ANKRD17: variants seen among roughly 807,000 people sequenced by gnomAD.
ANKRD17 encodes ankyrin repeat domain-containing protein 17.
ANKRD17 carries 19 observed loss-of-function variants against 229.7 expected under a neutral mutation model. That is an observed-to-expected ratio of 0.08 (90% CI 0.06 to 0.12). The LOEUF (loss-of-function observed/expected upper bound fraction) is 0.12, where lower values mean the gene tolerates loss of function less well. ANKRD17 is among the 10% of genes least tolerant of loss of function. The pLI is 1.00. For synonymous variants in ANKRD17, 1,112 were observed against 1,146.1 expected (o/e 0.97, Z 0.60); for missense variants, 2,176 against 3,176.8 (o/e 0.68, Z 7.57).
intron 1 of ANKRD17, among the ~76,000 whole-genome samples, chr4:73,193,370 C>T (rs987725725): frequency 1.9e-4 from 29 of 152,152 alleles, no homozygotes; most frequent in African/African-American, 6.8e-4. Flanking sequence ...CTCTTAAATA[C>T]GTACATAAGA....
At chr4:73,142,411 A>G in intron 12 of ANKRD17, 26 bp from the exon 13 acceptor site, 1 of 1,584,204 alleles carries the variant, frequency 6.3e-7, no homozygotes, top group South Asian at 1.2e-5. Context: ...TGGAAGGGGA[A>G]AAAAAGTGAA....
rs966733830 is a variant in ANKRD17 at position 73,139,873 on chromosome 4, C to T, written c.2743G>A (p.Val915Ile). 1.9e-6 allele frequency: 3 copies of T among 1,614,222 alleles called. No individual in the cohort carries two copies. Among genetic ancestry groups the T allele is most frequent in the African/African-American group, 1.3e-5 (1 of 75,058 alleles). ...SCQHLGLLTPVGVGEQLSEGD... is the reference protein window; with the variant it reads ...SCQHLGLLTPIGVGEQLSEGD... ...TCAGAAAGCTGCTCTCCAACTCCAA[C>T]AGGAGTTAGTAATCCCAGGTGTTGG... The change falls in exon 15 of 34, where the codon GTT becomes ATT. Residue 915 changes from valine (V) to isoleucine (I), a missense_variant. By Grantham distance (29) the Val-to-Ile change is conservative. Around this residue, in one of 18 missense-constraint regions of ANKRD17, gnomAD observed 230 missense variants for 252.3 expected, o/e 0.91. Transcript: ENST00000358602.
At chr4:73,207,329 A>G (rs781444542) in intron 1 of ANKRD17, among the ~76,000 whole-genome samples, 3 of 152,182 alleles carry the variant, frequency 2.0e-5, no homozygotes, top group Admixed American at 6.5e-5. Context: ...AAAAAACTCA[A>G]CCTAATAAAA....
chr4:73,193,019 T>G (rs929568669), intron 1 of ANKRD17, among the ~76,000 whole-genome samples: 1 of 152,194 alleles, frequency 6.6e-6, no homozygotes, highest in African/African-American at 2.4e-5. Flanking sequence ...TTGAAAAATA[T>G]ATAATCTACA....
At chr4:73,177,194 G>A (rs1210052404) in intron 2 of ANKRD17, among the ~76,000 whole-genome samples, 186 bp downstream of exon 2, 2 of 152,148 alleles carry the variant, frequency 1.3e-5, no homozygotes, top group African/African-American at 4.8e-5. Context: ...ACTTTACTCT[G>A]GTAATGAAAA....
At chr4:73,202,585 G>A (rs1401280204) in intron 1 of ANKRD17, among the ~76,000 whole-genome samples, 1 of 152,054 alleles carries the variant, frequency 6.6e-6, no homozygotes, top group Admixed American at 6.6e-5. Flanking sequence ...ATCCAGAAAG[G>A]CTACACATAC....
chr4:73,252,144 C>T (rs1745084469), intron 1 of ANKRD17, among the ~76,000 whole-genome samples: 1 of 152,162 alleles, frequency 6.6e-6, no homozygotes, highest in African/African-American at 2.4e-5. Flanking sequence ...TCATGAGAAC[C>T]TAGCAGAGAT....
intron 30 of ANKRD17, among the ~76,000 whole-genome samples, chr4:73,081,754 A>T (rs753685773): frequency 1.1e-4 from 17 of 152,220 alleles, no homozygotes; most frequent in Non-Finnish European, 1.6e-4. Context: ...TGGCCTAAGG[A>T]TTTAAGTTTC....
chr4:73,254,497 G>A (rs1745286618), intron 1 of ANKRD17, among the ~76,000 whole-genome samples: 1 of 152,210 alleles, frequency 6.6e-6, no homozygotes, highest in Admixed American at 6.5e-5. Context: ...AGTGCGCAGT[G>A]TGGCTCAGAC....
intron 1 of ANKRD17, among the ~76,000 whole-genome samples, chr4:73,194,533 A>G (rs1737572810): frequency 6.6e-6 from 1 of 152,168 alleles, no homozygotes. Context: ...GGCCTTTTCT[A>G]TATAGATACT....
chr4:73,130,797 G>A (rs1387250490), intron 16 of ANKRD17, among the ~76,000 whole-genome samples: 3 of 151,768 alleles, frequency 2.0e-5, no homozygotes, highest in Non-Finnish European at 2.9e-5. Context: ...CATTGGTAGT[G>A]GCTCCTAGAA....
At position 73,075,577 on chromosome 4, in the gene ANKRD17, A is replaced by C. The variant is rs1720943885; in HGVS notation, c.*654T>G. 1 of 152,626 alleles carries C rather than the reference A, an allele frequency of 6.6e-6. No homozygotes were observed. Among genetic ancestry groups the C allele is most frequent in the Non-Finnish European group, 1.5e-5 (1 of 68,008 alleles). The allele number at this position is 152,626 out of a possible 1,614,324, so 9.5% of individuals were successfully genotyped here. ...CTTCTTCTATATGTGCCTTGCTACAAATAAACCAAAAAGAAAGCAAGATGG... is the reference window on the plus strand; with the variant it reads ...CTTCTTCTATATGTGCCTTGCTACACATAAACCAAAAAGAAAGCAAGATGG... On this transcript the variant is annotated 3_prime_UTR_variant, in exon 34 of 34. Transcript: ENST00000358602.
chr4:73,132,744 T>C (rs183663525), intron 16 of ANKRD17, among the ~76,000 whole-genome samples: 5 of 152,300 alleles, frequency 3.3e-5, no homozygotes, highest in African/African-American at 7.2e-5. Context: ...AACATGGTGA[T>C]AGTTGGTGAG....
intron 2 of ANKRD17, among the ~76,000 whole-genome samples, chr4:73,164,127 G>C: frequency 6.6e-6 from 1 of 152,004 alleles, no homozygotes; most frequent in African/African-American, 2.4e-5. Flanking sequence ...AATATATGAA[G>C]GCACTATTGA....
At chr4:73,189,683 A>G (rs1488157291) in intron 1 of ANKRD17, among the ~76,000 whole-genome samples, 1 of 152,058 alleles carries the variant, frequency 6.6e-6, no homozygotes, top group Non-Finnish European at 1.5e-5. Flanking sequence ...TGTTTTACTT[A>G]CTCAGATGAT....
rs1745655845 is a variant in ANKRD17 at position 73,258,240 on chromosome 4, C to T, written c.393+36G>A. 5.0e-6 allele frequency: 8 copies of T among 1,612,948 alleles called. 1 individual carries two copies. The East Asian group carries it at 1.8e-4, about 36-fold the overall frequency. ...CCTTCGGCCCCTATCCCTTACAGTC[C>T]CTTCCTCCCTCCTTCCTTTGAAACC... On this transcript the variant is annotated intron_variant, in intron 1 of 33. Coordinates refer to ENST00000358602, the MANE Select transcript of ANKRD17 (RefSeq NM_032217.5).
intron 1 of ANKRD17, among the ~76,000 whole-genome samples, chr4:73,232,112 AC>A: frequency 6.6e-6 from 1 of 152,310 alleles, no homozygotes; most frequent in East Asian, 1.9e-4. Flanking sequence ...GATCATGAGA[AC>A]CCTGATTTAT....
intron 29 of ANKRD17, among the ~76,000 whole-genome samples, chr4:73,087,108 A>ATTTTTTC (rs1722282749): frequency 6.7e-6 from 1 of 149,250 alleles, no homozygotes; most frequent in Non-Finnish European, 1.5e-5. Flanking sequence ...ACAATTTATC[A>ATTTTTTC]TTTTTTCTTT....
chr4:73,203,957 G>GAA (rs902725087), intron 1 of ANKRD17, among the ~76,000 whole-genome samples: 1 of 151,906 alleles, frequency 6.6e-6, no homozygotes, highest in Non-Finnish European at 1.5e-5. Context: ...CCATGGGGGG[G>GAA]AAAAAACCAT....
Sources: gnomAD v4.1 joint callset for allele counts (sites outside exome capture counted in the v4.1 genomes callset) on GRCh38, gnomAD v4.1.1 for gene constraint, gnomAD v4.1.1 regional missense constraint, MANE v1.5 for transcripts, NCBI Gene and HGNC (gene_info 2026-07-23, HGNC 2026-07-21) for gene names.